The following B3GAT2 variants were observed in gnomAD, a reference collection of about 807,000 sequenced individuals.
B3GAT2 encodes beta-1,3-glucuronyltransferase 2, also known as galactosylgalactosylxylosylprotein 3-beta-glucuronosyltransferase 2.
Under a neutral mutation model 27.8 loss-of-function variants are expected in B3GAT2, and 26 were observed. The ratio of observed to expected loss-of-function variants is 0.93; its 90% CI spans 0.68 to 1.30. The LOEUF (loss-of-function observed/expected upper bound fraction) is 1.30. Ranked by LOEUF, B3GAT2 falls within the 50% of genes most tolerant of loss-of-function variation. The probability of loss-of-function intolerance (pLI) is 0.00; values close to 1 mark genes in which losing one functional copy is unlikely to be tolerated. For missense variants in B3GAT2, 458 were observed against 459.0 expected (o/e 1.00, Z 0.02); for synonymous variants, 218 against 195.1 (o/e 1.12, Z -0.98).
intron 1 of B3GAT2, among the ~76,000 whole-genome samples, chr6:70,935,570 G>A (rs1765257019): frequency 6.6e-6 from 1 of 151,942 alleles, no homozygotes; most frequent in Non-Finnish European, 1.5e-5. Flanking sequence ...TAGATCTACT[G>A]GATATATTTA....
chr6:70,858,673 CT>C lies in B3GAT2; in HGVS notation c.*2989del, dbSNP rs1771552545. The C allele has an allele frequency of 6.4e-6, 1 of 155,124 alleles. No individual in the cohort carries two copies. The highest frequency in any genetic ancestry group is 2.4e-5 in the African/African-American group (1 of 41,442). The allele number at this position is 155,124 out of a possible 1,614,324, so 9.6% of individuals were successfully genotyped here. On this transcript the variant is annotated 3_prime_UTR_variant, in exon 4 of 4. Coordinates refer to ENST00000230053, the MANE Select transcript of B3GAT2 (RefSeq NM_080742.3). The stretch of plus-strand genomic sequence containing the variant: ...TTTTATTAGAAAATAAAAATCTAGC[CT>C]CATATTCTCAAAGCACTATTTTATG...
chr6:70,874,894 T>G (rs1438448576), intron 2 of B3GAT2, among the ~76,000 whole-genome samples: 2 of 152,096 alleles, frequency 1.3e-5, no homozygotes, highest in Admixed American at 6.6e-5. Flanking sequence ...TCACCACAAT[T>G]ACAGGGCTGT....
intron 1 of B3GAT2, among the ~76,000 whole-genome samples, chr6:70,944,437 G>GGAGGGTCCTACC (rs1582398264): frequency 2.7e-5 from 1 of 37,436 alleles, no homozygotes; most frequent in Non-Finnish European, 5.6e-5. Flanking sequence ...CACACATGGC[G>GGAGGGTCCTACC]CCCACGGAGT....
rs752787225 is a variant in B3GAT2, at chr6:70,956,137, AG to A, written c.292del (p.Leu98Ter). 6 of 1,605,392 alleles carry A rather than the reference AG, an allele frequency of 3.7e-6. No homozygotes were observed. In the South Asian group the frequency reaches 4.5e-5, roughly 12 times the overall value. ...TYSRPVQKAE[L>X]TRLANTFRQV... ...GCGGAACGTGTTGGCCAGGCGGGTC[AG>A]CTCCGCTTTCTGCACCGGGCGGCTG... On this transcript the variant is annotated frameshift_variant, in exon 1 of 4. Transcript: ENST00000230053. LOFTEE classifies it high-confidence loss of function.
intron 2 of B3GAT2, among the ~76,000 whole-genome samples, chr6:70,863,773 G>T (rs528007264): frequency 1.3e-5 from 2 of 152,306 alleles, no homozygotes; most frequent in Admixed American, 6.5e-5. Context: ...GTGTGATCAT[G>T]AGGGGCAGGT....
chr6:70,870,829 G>T (rs1035193166), intron 2 of B3GAT2, among the ~76,000 whole-genome samples: 3 of 152,086 alleles, frequency 2.0e-5, no homozygotes, highest in African/African-American at 7.2e-5. Context: ...TGATCTTAGG[G>T]AAAAAGCTTT....
rs762393669 is a variant in B3GAT2, at chr6:70,861,954, ATGACT to A, written c.756_760del (p.Gln252HisfsTer10). 1 of 1,613,472 alleles carries A rather than the reference ATGACT, an allele frequency of 6.2e-7. No homozygotes were observed. Among genetic ancestry groups the A allele is most frequent in the Non-Finnish European group, 8.5e-7 (1 of 1,179,526 alleles). On this transcript the variant is annotated frameshift_variant, in exon 3 of 4. Transcript: ENST00000230053. LOFTEE classifies it high-confidence loss of function. The stretch of plus-strand genomic sequence containing the variant: ...AAATACAGCTTTTGGATTGGACAAA[ATGACT>A]TGAAGACTTACAGCAAATCCTTTGT...
intron 1 of B3GAT2, among the ~76,000 whole-genome samples, chr6:70,918,585 G>A (rs1772815577): frequency 1.3e-5 from 2 of 152,152 alleles, no homozygotes; most frequent in South Asian, 4.1e-4. Flanking sequence ...TGTAAGGCAG[G>A]CCTGGTGGTG....
chr6:70,919,445 C>T (rs983967657), intron 1 of B3GAT2, among the ~76,000 whole-genome samples: 1 of 152,198 alleles, frequency 6.6e-6, no homozygotes, highest in Admixed American at 6.5e-5. Context: ...TGTTCCCTTG[C>T]TGGCGAGGAG....
rs545024189 is a variant in B3GAT2, at chr6:70,871,886, CAT to C, written c.737-9910_737-9909del. Among the ~76,000 whole-genome samples the C allele has an allele frequency of 2.3e-4, 35 of 151,968 alleles. No homozygotes were observed. The South Asian group carries it at 3.3e-3, about 14-fold the overall frequency. The stretch of plus-strand genomic sequence containing the variant: ...CTCTGGCTGTACCCCCATAGGTTTT[CAT>C]ATGTTGTTTTTCCATTTTCATTCTC... On this transcript the variant is annotated intron_variant, in intron 2 of 3. Coordinates refer to ENST00000230053, the MANE Select transcript of B3GAT2 (RefSeq NM_080742.3).
Position 70,856,778 on chromosome 6 carries a change from A to G in B3GAT2, c.*4885T>C. The G allele has an allele frequency of 7.3e-7, 1 of 1,376,230 alleles. No individual in the cohort carries two copies. Among genetic ancestry groups the G allele is most frequent in the South Asian group, 1.6e-5 (1 of 61,228 alleles). 85.3% of individuals were successfully genotyped at this position (1,376,230 alleles called of 1,614,324 possible). On this transcript the variant is annotated 3_prime_UTR_variant, in exon 4 of 4. Transcript: ENST00000230053. ...TTGTTTGATTCCTATCTAATTTTAT[A>G]ACTTTATTTGGATTTTAAGTAATGG...
At chr6:70,894,866 C>T (rs564004984) in intron 1 of B3GAT2, among the ~76,000 whole-genome samples, 7 of 152,300 alleles carry the variant, frequency 4.6e-5, no homozygotes, top group Middle Eastern at 3.4e-3. Context: ...AACTAGAGAC[C>T]GTTGGAATCG....
chr6:70,941,928 G>A (rs575367622), intron 1 of B3GAT2, among the ~76,000 whole-genome samples: 1 of 152,166 alleles, frequency 6.6e-6, no homozygotes, highest in South Asian at 2.1e-4. Context: ...TACATATTCA[G>A]GTATCATATT....
At chr6:70,941,861 A>C (rs1765398165) in intron 1 of B3GAT2, among the ~76,000 whole-genome samples, 2 of 152,178 alleles carry the variant, frequency 1.3e-5, no homozygotes, top group Non-Finnish European at 2.9e-5. Context: ...CTACAGATAC[A>C]ACAGTAAACA....
At chr6:70,864,532 T>C (rs921984709) in intron 2 of B3GAT2, among the ~76,000 whole-genome samples, 13 of 152,180 alleles carry the variant, frequency 8.5e-5, no homozygotes, top group African/African-American at 3.1e-4. Flanking sequence ...CCCAAGTGTT[T>C]TTCTATTCTC....
At chr6:70,917,839 A>G (rs951524001) in intron 1 of B3GAT2, among the ~76,000 whole-genome samples, 1 of 152,126 alleles carries the variant, frequency 6.6e-6, no homozygotes, top group Non-Finnish European at 1.5e-5. Flanking sequence ...TTTTAGAATA[A>G]GTGTGATGTG....
chr6:70,949,647 G>A (rs1357550969), intron 1 of B3GAT2, among the ~76,000 whole-genome samples: 3 of 151,090 alleles, frequency 2.0e-5, no homozygotes, highest in African/African-American at 7.3e-5. Context: ...TCAGTGTGGT[G>A]ATTCCTCAGG....
At chr6:70,870,301 A>G (rs540380934) in intron 2 of B3GAT2, among the ~76,000 whole-genome samples, 19 of 150,620 alleles carry the variant, frequency 1.3e-4, no homozygotes. Context: ...ACAAAGAACC[A>G]AACACCGCAT....
rs555038291 is a variant in B3GAT2 at position 70,889,487 on chromosome 6, C to T, written c.736+4641G>A. On this transcript the variant is annotated intron_variant, in intron 2 of 3. Transcript: ENST00000230053. ...AGCCTCCATTGAATAGAAACTACCA[C>T]CAGCTGGAAAGCTGGTGATAGGCCG... Among the ~76,000 whole-genome samples, 39 of 152,288 alleles carry T rather than the reference C, an allele frequency of 2.6e-4. No individual in the cohort carries two copies. The South Asian group carries it at 7.9e-3, about 31-fold the overall frequency.
Sources: allele counts gnomAD v4.1 joint callset (sites outside exome capture counted in the v4.1 genomes callset), GRCh38; gene constraint gnomAD v4.1.1; transcripts MANE v1.5; gene names NCBI Gene and HGNC (gene_info 2026-07-23, HGNC 2026-07-21).